Variants in DLGAP1 observed in about 807,000 individuals in gnomAD.
DLGAP1 encodes the protein disks large-associated protein 1.
DLGAP1 carries 11 observed loss-of-function variants against 90.8 expected under a neutral mutation model. That is an observed-to-expected ratio of 0.12 (90% confidence interval 0.08 to 0.20). The LOEUF is 0.20. Among genes scored for constraint, DLGAP1 ranks in the 10% least tolerant of loss-of-function variants. The probability of loss-of-function intolerance (pLI) is 1.00; values close to 1 mark genes in which losing one functional copy is unlikely to be tolerated. For synonymous variants in DLGAP1, 558 were observed against 540.7 expected (o/e 1.03, Z -0.44); for missense variants, 1,050 against 1,333.8 (o/e 0.79, Z 3.31).
intron 7 of DLGAP1, among the ~76,000 whole-genome samples, chr18:3,651,412 A>G (rs551074814): frequency 6.6e-6 from 1 of 152,356 alleles, no homozygotes; most frequent in South Asian, 2.1e-4. Flanking sequence ...TCAGTTTACT[A>G]CTGGTGGTAA....
intron 7 of DLGAP1, among the ~76,000 whole-genome samples, chr18:3,698,174 A>G (rs1324084390): frequency 6.6e-6 from 1 of 152,134 alleles, no homozygotes; most frequent in Non-Finnish European, 1.5e-5. Flanking sequence ...TGGGGCATTT[A>G]GCCTGTTCAA....
intron 4 of DLGAP1, among the ~76,000 whole-genome samples, chr18:3,842,811 C>T (rs1431770156): frequency 1.3e-5 from 2 of 151,964 alleles, no homozygotes; most frequent in African/African-American, 2.4e-5. Flanking sequence ...TTGTGTCATG[C>T]CTTTATTTTT....
chr18:4,258,105 G>A (rs992583047), intron 1 of DLGAP1, among the ~76,000 whole-genome samples: 2 of 151,678 alleles, frequency 1.3e-5, no homozygotes, highest in African/African-American at 2.4e-5. Flanking sequence ...CCAGGCTGGA[G>A]TGCAGTGGCA....
chr18:4,205,117 A>G (rs544298911), intron 1 of DLGAP1, among the ~76,000 whole-genome samples: 5 of 152,290 alleles, frequency 3.3e-5, no homozygotes, highest in African/African-American at 1.2e-4. Context: ...AACCCTGAAA[A>G]GCATGTTGAC....
chr18:3,730,056 G>T (rs1251980596), intron 6 of DLGAP1, among the ~76,000 whole-genome samples: 2 of 152,146 alleles, frequency 1.3e-5, no homozygotes, highest in Non-Finnish European at 2.9e-5. Context: ...GCACCATCAA[G>T]ATTTTCAAAC....
intron 3 of DLGAP1, among the ~76,000 whole-genome samples, chr18:3,973,053 AT>A (rs2073486341): frequency 6.6e-6 from 1 of 152,218 alleles, no homozygotes; most frequent in South Asian, 2.1e-4. Flanking sequence ...TAATTTAAAA[AT>A]ATCAACAAAT....
At chr18:3,613,697 A>T (rs2057731869) in intron 7 of DLGAP1, among the ~76,000 whole-genome samples, 1 of 152,180 alleles carries the variant, frequency 6.6e-6, no homozygotes, top group African/African-American at 2.4e-5. Context: ...TGAACAATTA[A>T]CGCCCAGATG....
At chr18:4,409,354 G>A (rs1219158864) in intron 1 of DLGAP1, among the ~76,000 whole-genome samples, 2 of 151,976 alleles carry the variant, frequency 1.3e-5, no homozygotes, top group Admixed American at 6.6e-5. Context: ...CTTCCTATGT[G>A]GAAGGCAGTA....
chr18:3,794,276 T>C (rs1412868705), intron 5 of DLGAP1, among the ~76,000 whole-genome samples: 1 of 152,148 alleles, frequency 6.6e-6, no homozygotes, highest in Non-Finnish European at 1.5e-5. Context: ...AGCTTGGAGG[T>C]CAGTGATGAG....
intron 4 of DLGAP1, among the ~76,000 whole-genome samples, chr18:3,831,132 C>G (rs572823279): frequency 6.6e-6 from 1 of 152,270 alleles, no homozygotes; most frequent in Non-Finnish European, 1.5e-5. Context: ...AGAAGAGAGG[C>G]TCTTTTGGCA....
At position 4,455,290 on chromosome 18, in the gene DLGAP1, G is replaced by C. The variant is rs1263001424; in HGVS notation, c.-551C>G. On this transcript the variant is annotated 5_prime_UTR_variant, in exon 1 of 13. Transcript: ENST00000315677. ...CTGAGCGCCGGGACGCGGCGGGCTG[G>C]GGCTGCAAGGCTGGGCTGGTGACCC... 6.5e-6 allele frequency: 1 copy of C among 152,682 alleles called. No individual in the cohort carries two copies. The highest frequency in any genetic ancestry group is 2.4e-5 in the African/African-American group (1 of 41,432). 9.5% of individuals were successfully genotyped at this position (152,682 alleles called of 1,614,324 possible). A position where few individuals can be genotyped will look rare whatever the true frequency, so the allele number is the denominator to read the frequency against.
chr18:4,065,821 T>C (rs796809116), intron 2 of DLGAP1, among the ~76,000 whole-genome samples: 6 of 150,256 alleles, frequency 4.0e-5, no homozygotes, highest in African/African-American at 7.4e-5. Flanking sequence ...GAAAAAAAAA[T>C]TAAATTCACA....
intron 11 of DLGAP1, among the ~76,000 whole-genome samples, chr18:3,504,488 G>A (rs1326985335): frequency 6.6e-6 from 1 of 152,042 alleles, no homozygotes; most frequent in Non-Finnish European, 1.5e-5. Flanking sequence ...AGGTTCAAGC[G>A]ACTCTCCTGC....
At chr18:3,632,688 T>G (rs940996422) in intron 7 of DLGAP1, among the ~76,000 whole-genome samples, 2 of 152,210 alleles carry the variant, frequency 1.3e-5, no homozygotes, top group African/African-American at 4.8e-5. Flanking sequence ...TTGGTTATTT[T>G]TGACAGTGAG....
In DLGAP1 at chr18:3,992,170, A is replaced by T. The variant is rs537703005; in HGVS notation, c.-73+12946T>A. On this transcript the variant is annotated intron_variant, in intron 3 of 12. Coordinates refer to ENST00000315677, the MANE Select transcript of DLGAP1 (RefSeq NM_004746.4). ...TTTGCCTCATTATATTGGTTTACTCATATTGGTCCCCTATTTTAATGATTT... is the reference window on the plus strand; with the variant it reads ...TTTGCCTCATTATATTGGTTTACTCTTATTGGTCCCCTATTTTAATGATTT... Among the ~76,000 whole-genome samples the T allele has an allele frequency of 3.9e-5, 6 of 152,300 alleles. No individual in the cohort carries two copies. In the South Asian group the frequency reaches 1.2e-3, roughly 32 times the overall value.
At chr18:4,194,541 C>T (rs893578918) in intron 1 of DLGAP1, among the ~76,000 whole-genome samples, 1 of 152,150 alleles carries the variant, frequency 6.6e-6, no homozygotes, top group Non-Finnish European at 1.5e-5. Context: ...TATAACTCTA[C>T]ATATGTGTGA....
chr18:4,005,969 A>C (rs747512013), intron 2 of DLGAP1, among the ~76,000 whole-genome samples: 12 of 152,324 alleles, frequency 7.9e-5, no homozygotes, highest in African/African-American at 2.9e-4. Flanking sequence ...GACAAGAGAC[A>C]GTTGTTCACT....
intron 4 of DLGAP1, among the ~76,000 whole-genome samples, chr18:3,828,801 A>G (rs1052366615): frequency 6.6e-6 from 1 of 152,144 alleles, no homozygotes; most frequent in Admixed American, 6.5e-5. Flanking sequence ...CTTTCATTAA[A>G]TATCTATGAC....
Position 3,534,315 on chromosome 18 carries a change from C to T in DLGAP1, c.2358G>A (p.Arg786=), listed in dbSNP as rs778230876. 26 of 1,614,086 alleles carry T rather than the reference C, an allele frequency of 1.6e-5. No individual in the cohort carries two copies. The Middle Eastern group carries it at 8.2e-4, about 51-fold the overall frequency. The change falls in exon 10 of 13, where the codon AGG becomes AGA. Residue 786 remains arginine, a synonymous_variant. Coordinates refer to ENST00000315677, the MANE Select transcript of DLGAP1 (RefSeq NM_004746.4). ...ITEDPLEAVQ[R]SVCHRDGHWF... ...AGTGGCCATCCCGGTGGCACACTGA[C>T]CTTTGCACGGCCTCCAGAGGGTCTT...
Sources: gnomAD v4.1 joint callset for allele counts (sites outside exome capture counted in the v4.1 genomes callset) on GRCh38, gnomAD v4.1.1 for gene constraint, MANE v1.5 for transcripts, NCBI Gene and HGNC (gene_info 2026-07-23, HGNC 2026-07-21) for gene names.